Variants in TOM1L1 observed in about 807,000 individuals in gnomAD.
TOM1L1 encodes TOM1-like protein 1.
TOM1L1 carries 64 observed loss-of-function variants against 63.4 expected under a neutral mutation model. The ratio of observed to expected loss-of-function variants is 1.01; its 90% CI spans 0.83 to 1.24. The LOEUF (loss-of-function observed/expected upper bound fraction) is 1.24, where lower values mean the gene tolerates loss of function less well. TOM1L1 is among the 50% of genes most tolerant of loss of function. TOM1L1 has a pLI of 0.00. For synonymous variants in TOM1L1, 166 were observed against 194.4 expected, an observed-to-expected ratio of 0.85 and a Z score of 1.22; for missense variants, 536 against 567.0, an observed-to-expected ratio of 0.95 and a Z score of 0.55.
At chr17:54,903,892 G>C (rs964747267) in intron 2 of TOM1L1, 100 bp downstream of exon 2, 1 of 1,080,958 alleles carries the variant, frequency 9.3e-7, no homozygotes, top group Non-Finnish European at 1.4e-6. Context: ...TGTTGAAAGA[G>C]TGTTTTCATC....
At chr17:54,960,669 T>A in intron 15 of TOM1L1, 42 bp downstream of exon 15, 1 of 1,405,240 alleles carries the variant, frequency 7.1e-7, no homozygotes, top group South Asian at 1.2e-5. Context: ...ATATTCCATA[T>A]AATTTCAGTA....
Position 54,912,658 on chromosome 17 carries a change from T to C in TOM1L1, c.223-8T>C. On this transcript the variant is annotated splice_region_variant and splice_polypyrimidine_tract_variant and intron_variant, in intron 3 of 15. Coordinates refer to ENST00000575882, the MANE Select transcript of TOM1L1 (RefSeq NM_005486.3). ...TAAATATAATGTTTAATTTTTTTTC[T>C]AATTTAGCTTATTGACATGTGTGTG... 1 of 1,517,838 alleles carries C rather than the reference T, an allele frequency of 6.6e-7. No individual in the cohort carries two copies. Among genetic ancestry groups the C allele is most frequent in the Non-Finnish European group, 8.8e-7 (1 of 1,138,580 alleles). 94.0% of individuals were successfully genotyped at this position (1,517,838 alleles called of 1,614,324 possible). A position where few individuals can be genotyped will look rare whatever the true frequency, so the allele number is the denominator to read the frequency against.
At chr17:54,917,601 T>C (rs1240017749) in intron 7 of TOM1L1, 1 of 152,214 alleles carries the variant, frequency 6.6e-6, no homozygotes, top group Admixed American at 6.5e-5. Flanking sequence ...TTAACGCTGC[T>C]TTTTTGTTTG....
intron 3 of TOM1L1, among the ~76,000 whole-genome samples, 156 bp from the exon 4 acceptor site, chr17:54,912,510 C>T (rs1206346411): frequency 6.6e-6 from 1 of 152,188 alleles, no homozygotes; most frequent in African/African-American, 2.4e-5. Context: ...CACATATCCC[C>T]AGAACCTAAC....
chr17:54,939,094 C>G, intron 11 of TOM1L1, 74 bp downstream of exon 11: 1 of 1,045,498 alleles, frequency 9.6e-7, no homozygotes, highest in Non-Finnish European at 1.4e-6. Flanking sequence ...AACCTGATGG[C>G]TGGGCGCAGT....
At chr17:54,947,772 C>A (rs1323637409) in intron 12 of TOM1L1, among the ~76,000 whole-genome samples, 1 of 152,168 alleles carries the variant, frequency 6.6e-6, no homozygotes, top group Non-Finnish European at 1.5e-5. Flanking sequence ...TTGTTGGAGA[C>A]CCCAGGGATC....
intron 14 of TOM1L1, chr17:54,953,551 T>C (rs2049341892): frequency 6.6e-6 from 1 of 152,304 alleles, no homozygotes; most frequent in African/African-American, 2.4e-5. Flanking sequence ...TCTCTGGGGA[T>C]GATTTGGACA....
At chr17:54,911,194 C>T (rs993998912) in intron 3 of TOM1L1, among the ~76,000 whole-genome samples, 1 of 152,040 alleles carries the variant, frequency 6.6e-6, no homozygotes, top group Non-Finnish European at 1.5e-5. Flanking sequence ...TGTATAACAC[C>T]CCATCCTCCA....
intron 14 of TOM1L1, chr17:54,953,511 A>C (rs1361296192): frequency 2.0e-5 from 3 of 152,350 alleles, no homozygotes; most frequent in African/African-American, 7.2e-5. Context: ...TACAGGGAAC[A>C]GGTACCTTGG....
At chr17:54,917,914 A>G (rs887958972) in intron 7 of TOM1L1, among the ~76,000 whole-genome samples, 10 of 152,232 alleles carry the variant, frequency 6.6e-5, no homozygotes, top group Non-Finnish European at 1.2e-4. Context: ...GCCTAGAAAT[A>G]ATACCCTATC....
intron 3 of TOM1L1, among the ~76,000 whole-genome samples, chr17:54,908,887 T>A (rs1318693835): frequency 6.6e-6 from 1 of 152,166 alleles, no homozygotes; most frequent in African/African-American, 2.4e-5. Context: ...AGGGGTTTCA[T>A]AAAATGTGTA....
chr17:54,961,171 T>C, intron 15 of TOM1L1, 64 bp from the exon 16 acceptor site: 1 of 1,121,042 alleles, frequency 8.9e-7, no homozygotes, highest in African/African-American at 1.5e-5. Flanking sequence ...ACAAGAGAGT[T>C]ATCAAGGAAT....
chr17:54,903,626 T>C lies in TOM1L1; in HGVS notation c.59-82T>C, dbSNP rs935847146. The C allele has an allele frequency of 9.4e-5, 119 of 1,261,086 alleles. 1 individual carries two copies. Among genetic ancestry groups the C allele is most frequent in the Middle Eastern group, 7.8e-4 (4 of 5,160 alleles). The allele number at this position is 1,261,086 out of a possible 1,614,324, so 78.1% of individuals were successfully genotyped here. On this transcript the variant is annotated intron_variant, in intron 1 of 15. Transcript: ENST00000575882. ...ATGTAAACTTAATGACACTTGCTGGTGCAGCCTAGGCAGATTATTTCAGGA... is the reference window on the plus strand; with the variant it reads ...ATGTAAACTTAATGACACTTGCTGGCGCAGCCTAGGCAGATTATTTCAGGA...
At chr17:54,933,188 A>G (rs540214136) in intron 8 of TOM1L1, among the ~76,000 whole-genome samples, 1 of 152,352 alleles carries the variant, frequency 6.6e-6, no homozygotes, top group South Asian at 2.1e-4. Context: ...TGCAACAGCT[A>G]GAGGCTGTTC....
At chr17:54,911,871 AC>A (rs1715489396) in intron 3 of TOM1L1, among the ~76,000 whole-genome samples, 1 of 152,022 alleles carries the variant, frequency 6.6e-6, no homozygotes, top group South Asian at 2.1e-4. Context: ...ACTAACAGAG[AC>A]CCTCCATAAC....
rs753551810 is a variant in TOM1L1 at position 54,912,674 on chromosome 17, CAT to C, written c.232_233del (p.Met78ValfsTer20). ...EIQLTLSLIDMCVQNCGPSFQ... is the reference protein window; with the variant it reads ...EIQLTLSLIDXCVQNCGPSFQ... ...TTTTTTTTCTAATTTAGCTTATTGA[CAT>C]GTGTGTGCAGAACTGTGGTCCAAGT... On this transcript the variant is annotated frameshift_variant, in exon 4 of 16. Transcript: ENST00000575882. LOFTEE classifies it high-confidence loss of function. 32 of 1,548,080 alleles carry C rather than the reference CAT, an allele frequency of 2.1e-5. No individual in the cohort carries two copies. The highest frequency in any genetic ancestry group is 2.8e-5 in the African/African-American group (2 of 71,072).
chr17:54,958,782 T>C (rs2077028067), intron 14 of TOM1L1, among the ~76,000 whole-genome samples: 1 of 149,314 alleles, frequency 6.7e-6, no homozygotes, highest in Non-Finnish European at 1.5e-5. Flanking sequence ...ACTAAGGCAT[T>C]TACTACAAGA....
At chr17:54,925,615 A>G (rs1225720740) in intron 7 of TOM1L1, among the ~76,000 whole-genome samples, 1 of 152,234 alleles carries the variant, frequency 6.6e-6, no homozygotes, top group African/African-American at 2.4e-5. Flanking sequence ...TTATAAAACC[A>G]TCCTGAGGCC....
chr17:54,903,702 T>G lies in TOM1L1; in HGVS notation c.59-6T>G. Reference sequence around the variant, plus strand: ...TAGCTCAGACTCAACAGCTTTTTCTTGGCAGAAAAGGCTACATTTGCTGGA... The same window carrying G: ...TAGCTCAGACTCAACAGCTTTTTCTGGGCAGAAAAGGCTACATTTGCTGGA... On this transcript the variant is annotated splice_polypyrimidine_tract_variant and splice_region_variant and intron_variant, in intron 1 of 15. Transcript: ENST00000575882. The G allele has an allele frequency of 6.2e-7, 1 of 1,613,318 alleles. No homozygotes were observed. Among genetic ancestry groups the G allele is most frequent in the Admixed American group, 1.7e-5 (1 of 60,036 alleles).
Sources: gnomAD v4.1 joint callset for allele counts (sites outside exome capture counted in the v4.1 genomes callset) on GRCh38, gnomAD v4.1.1 for gene constraint, MANE v1.5 for transcripts, NCBI Gene and HGNC (gene_info 2026-07-23, HGNC 2026-07-21) for gene names.